Variants in USP34 observed in about 807,000 individuals in gnomAD.
USP34 encodes ubiquitin specific peptidase 34.
A neutral mutation model predicts 460.3 loss-of-function variants in USP34; 70 were observed. The observed-to-expected ratio is 0.15, with a 90% CI of 0.13 to 0.19. The LOEUF (loss-of-function observed/expected upper bound fraction) is 0.19, where lower values mean the gene tolerates loss of function less well. Ranked by LOEUF, USP34 falls within the 10% of genes least tolerant of loss-of-function variation. USP34 has a pLI of 1.00. For missense variants in USP34, 3,985 were observed against 4,236.2 expected (o/e 0.94, Z 1.65); for synonymous variants, 1,647 against 1,405.3 (o/e 1.17, Z -3.85).
intron 1 of USP34, among the ~76,000 whole-genome samples, chr2:61,437,666 G>C (rs956665220): frequency 6.6e-6 from 1 of 151,954 alleles, no homozygotes; most frequent in Non-Finnish European, 1.5e-5. Flanking sequence ...CCAGCTAGTC[G>C]GGAGGCTGAG....
chr2:61,345,503 T>C (rs1057356087), intron 15 of USP34, among the ~76,000 whole-genome samples: 1 of 152,210 alleles, frequency 6.6e-6, no homozygotes, highest in African/African-American at 2.4e-5. Context: ...TGATTCACCA[T>C]AAACTCACAT....
chr2:61,223,814 T>C lies in USP34; in HGVS notation c.7596-518A>G, dbSNP rs1015039204. ...TAACCAGGATTCAGGCACAAGCCAC[T>C]ACACCTAGATTGCATATTTCTTTTA... On this transcript the variant is annotated intron_variant, in intron 62 of 79. Transcript: ENST00000398571. Among the ~76,000 whole-genome samples the C allele has an allele frequency of 2.6e-5, 4 of 152,156 alleles. No individual in the cohort carries two copies. In the East Asian group the frequency reaches 7.7e-4, roughly 29 times the overall value.
chr2:61,377,504 T>C (rs1692832170), intron 8 of USP34, among the ~76,000 whole-genome samples: 1 of 152,028 alleles, frequency 6.6e-6, no homozygotes, highest in Non-Finnish European at 1.5e-5. Context: ...CTTTGGGAGA[T>C]AATTAGGTCA....
rs1160858747 is a variant in USP34 at position 61,227,712 on chromosome 2, AAAAC to A, written c.7444-498_7444-495del. Among the ~76,000 whole-genome samples, 889 of 141,828 alleles carry A rather than the reference AAAAC, an allele frequency of 6.3e-3. 4 individuals are homozygous for A. Among genetic ancestry groups the A allele is most frequent in the Non-Finnish European group, 8.2e-3 (544 of 66,136 alleles). 93.0% of individuals were successfully genotyped at this position (141,828 alleles called of 152,430 possible). Reference sequence around the variant, plus strand: ...GGAGACAGAGTGAGACTCTGTCTCAAAAACAAACAAACAAACAAACAAACAAAAA... The same window carrying A: ...GGAGACAGAGTGAGACTCTGTCTCAAAAACAAACAAACAAACAAACAAAAA... On this transcript the variant is annotated intron_variant, in intron 61 of 79. Coordinates refer to ENST00000398571, the MANE Select transcript of USP34 (RefSeq NM_014709.4).
At chr2:61,452,778 A>T (rs944601027) in intron 1 of USP34, among the ~76,000 whole-genome samples, 9 of 151,844 alleles carry the variant, frequency 5.9e-5, no homozygotes, top group African/African-American at 1.9e-4. Context: ...ACCTGCAGTC[A>T]GGAGGCTGAC....
At chr2:61,342,295 C>CCT (rs1691628349) in intron 16 of USP34, among the ~76,000 whole-genome samples, 1 of 77,170 alleles carries the variant, frequency 1.3e-5, no homozygotes, top group Non-Finnish European at 2.5e-5. Flanking sequence ...CTGGCCGTTT[C>CCT]CTTTTTTTTT....
At chr2:61,284,799 A>C in intron 35 of USP34, 76 bp downstream of exon 35, 2 of 1,218,752 alleles carry the variant, frequency 1.6e-6, no homozygotes, top group Non-Finnish European at 2.2e-6. Context: ...TAAGTTTAGA[A>C]TTTTTCAAAA....
chr2:61,359,779 GTTTTTTTTTT>G (rs35258583), intron 10 of USP34, among the ~76,000 whole-genome samples: 1 of 86,854 alleles, frequency 1.2e-5, no homozygotes, highest in Non-Finnish European at 2.2e-5. Flanking sequence ...GCCCACAGTT[GTTTTTTTTTT>G]TTTTTTTTTT....
chr2:61,444,905 C>T (rs1695064904), intron 1 of USP34, among the ~76,000 whole-genome samples: 2 of 134,118 alleles, frequency 1.5e-5, no homozygotes, highest in South Asian at 4.9e-4. Flanking sequence ...GCCTATTAAA[C>T]TCTGTTCCTT....
At chr2:61,438,013 T>A (rs1489691823) in intron 1 of USP34, among the ~76,000 whole-genome samples, 3 of 151,518 alleles carry the variant, frequency 2.0e-5, no homozygotes, top group African/African-American at 7.3e-5. Context: ...AAGGCCAGTA[T>A]AACCCTGATA....
At chr2:61,401,536 C>A (rs1056087643) in intron 3 of USP34, among the ~76,000 whole-genome samples, 3 of 140,700 alleles carry the variant, frequency 2.1e-5, no homozygotes, top group Non-Finnish European at 4.5e-5. Context: ...CTGTACCTGG[C>A]CCTATTTTTT....
chr2:61,198,393 G>C (rs1686870291), intron 75 of USP34, among the ~76,000 whole-genome samples: 2 of 152,086 alleles, frequency 1.3e-5, no homozygotes, highest in African/African-American at 4.8e-5. Context: ...CATTTGGGTT[G>C]TTTCCAGTTT....
chr2:61,313,853 A>G (rs1690667591), intron 25 of USP34, among the ~76,000 whole-genome samples: 1 of 152,118 alleles, frequency 6.6e-6, no homozygotes, highest in South Asian at 2.1e-4. Flanking sequence ...ATGTCAATAA[A>G]TATCACTTGT....
intron 75 of USP34, chr2:61,193,995 T>C (rs1037099998): frequency 7.3e-5 from 33 of 454,990 alleles, no homozygotes; most frequent in Non-Finnish European, 8.1e-5. Flanking sequence ...TCAGAAAATA[T>C]TCTATATTAA....
In USP34 at chr2:61,470,761, G is replaced by T; in HGVS notation, c.-69C>A. 7.1e-7 allele frequency: 1 copy of T among 1,413,134 alleles called. No homozygotes were observed. Among genetic ancestry groups the T allele is most frequent in the Admixed American group, 1.9e-5 (1 of 52,672 alleles). The allele number at this position is 1,413,134 out of a possible 1,614,324, so 87.5% of individuals were successfully genotyped here. ...GACTGATCCCGACCGGCGGGGGGGAGGGGAGAGAGGCGGAGGAGGGGGCCG... is the reference window on the plus strand; with the variant it reads ...GACTGATCCCGACCGGCGGGGGGGATGGGAGAGAGGCGGAGGAGGGGGCCG... On this transcript the variant is annotated 5_prime_UTR_variant, in exon 1 of 80. Transcript: ENST00000398571.
intron 75 of USP34, among the ~76,000 whole-genome samples, chr2:61,195,625 T>G (rs190679523): frequency 6.6e-6 from 1 of 152,008 alleles, no homozygotes; most frequent in East Asian, 2.0e-4. Context: ...TGAGACGAGA[T>G]TGTGCCACTG....
intron 1 of USP34, among the ~76,000 whole-genome samples, chr2:61,455,210 C>T (rs745679810): frequency 1.1e-4 from 16 of 150,940 alleles, no homozygotes; most frequent in Non-Finnish European, 2.1e-4. Flanking sequence ...ACAGAGTCTC[C>T]GTCTGTCACC....
At chr2:61,340,206 A>T (rs1005008982) in intron 16 of USP34, among the ~76,000 whole-genome samples, 10 of 129,660 alleles carry the variant, frequency 7.7e-5, no homozygotes, top group South Asian at 2.5e-4. Context: ...CCCTATATTT[A>T]AAAAAAAACT....
Position 61,441,906 on chromosome 2 carries a change from G to C in USP34, c.44-21073C>G, listed in dbSNP as rs1694977102. 2.0e-5 allele frequency among the ~76,000 whole-genome samples: 3 copies of C among 150,776 alleles called. No homozygotes were observed. In the South Asian group the frequency reaches 6.3e-4, roughly 32 times the overall value. On this transcript the variant is annotated intron_variant, in intron 1 of 79. Coordinates refer to ENST00000398571, the MANE Select transcript of USP34 (RefSeq NM_014709.4). ...AAAGCTGTAGTAACCAAAACAGCAT[G>C]GTACTGACATAAGAACAGATACATA... is the stretch of plus-strand genomic sequence containing the variant.
Sources: allele counts gnomAD v4.1 joint callset (sites outside exome capture counted in the v4.1 genomes callset), GRCh38; gene constraint gnomAD v4.1.1; transcripts MANE v1.5; gene names NCBI Gene and HGNC (gene_info 2026-07-23, HGNC 2026-07-21).